Variants in SEMA3E observed in about 807,000 individuals in gnomAD.
The protein encoded by SEMA3E is semaphorin-3E.
SEMA3E carries 49 observed loss-of-function variants against 93.6 expected under a neutral mutation model. The observed-to-expected ratio is 0.52, with a 90% CI of 0.42 to 0.66. SEMA3E has a LOEUF of 0.66. Among genes scored for constraint, SEMA3E ranks in the 30% least tolerant of loss-of-function variants. The probability of loss-of-function intolerance (pLI) is 0.00; values close to 1 mark genes in which losing one functional copy is unlikely to be tolerated. For synonymous variants in SEMA3E, 363 were observed against 330.7 expected, an observed-to-expected ratio of 1.10 and a Z score of -1.06; for missense variants, 906 against 964.8, an observed-to-expected ratio of 0.94 and a Z score of 0.81.
rs1374635857 is a variant in SEMA3E, at chr7:83,392,724, A to G, written c.1501-3T>C. 1 of 1,613,710 alleles carries G rather than the reference A, an allele frequency of 6.2e-7. No individual in the cohort carries two copies. The highest frequency in any genetic ancestry group is 8.5e-7 in the Non-Finnish European group (1 of 1,179,724). On this transcript the variant is annotated splice_polypyrimidine_tract_variant and splice_region_variant and intron_variant, in intron 13 of 16. Transcript: ENST00000643230. ...GCAGATCCAATATACAGCTGTTGCT[A>G]CAGAAATCAGAAAGAGGTCACTAGC...
intron 1 of SEMA3E, among the ~76,000 whole-genome samples, chr7:83,630,796 G>T (rs1490753988): frequency 1.3e-5 from 2 of 152,104 alleles, no homozygotes; most frequent in Non-Finnish European, 2.9e-5. Context: ...ATTTGGTGAA[G>T]TTAATCTTAT....
rs1788044918 is a variant in SEMA3E at position 83,392,824 on chromosome 7, C to A, written c.1501-103G>T. The A allele has an allele frequency of 1.1e-5, 12 of 1,131,674 alleles. No homozygotes were observed. In the South Asian group the frequency reaches 1.4e-4, roughly 13 times the overall value. 70.1% of individuals were successfully genotyped at this position (1,131,674 alleles called of 1,614,324 possible). On this transcript the variant is annotated intron_variant, in intron 13 of 16. Transcript: ENST00000643230. ...ATACACAATCACCTCAGAAAAAATT[C>A]ACTTAAATTTAATTCACTTAAATTA...
chr7:83,464,805 C>T (rs1789715064), intron 4 of SEMA3E, among the ~76,000 whole-genome samples: 1 of 145,262 alleles, frequency 6.9e-6, no homozygotes, highest in Non-Finnish European at 1.5e-5. Context: ...GTTCCCACGC[C>T]GCCCCTAATC....
At chr7:83,401,606 A>T (rs1788235708) in intron 10 of SEMA3E, among the ~76,000 whole-genome samples, 1 of 152,132 alleles carries the variant, frequency 6.6e-6, no homozygotes, top group South Asian at 2.1e-4. Context: ...GAGTGAAATA[A>T]AATATACTTT....
intron 1 of SEMA3E, among the ~76,000 whole-genome samples, chr7:83,497,123 G>T (rs1584289405): frequency 6.6e-6 from 1 of 152,150 alleles, no homozygotes; most frequent in African/African-American, 2.4e-5. Context: ...GATATACTCT[G>T]AGGATTTAGT....
intron 2 of SEMA3E, among the ~76,000 whole-genome samples, chr7:83,476,973 C>T (rs1012495626): frequency 5.3e-5 from 8 of 151,980 alleles, no homozygotes; most frequent in Non-Finnish European, 8.8e-5. Context: ...CATATTTCAA[C>T]GGAGAAAAAT....
chr7:83,511,398 A>G (rs755773518), intron 1 of SEMA3E, among the ~76,000 whole-genome samples: 1 of 151,936 alleles, frequency 6.6e-6, no homozygotes, highest in Non-Finnish European at 1.5e-5. Context: ...AACAGCATTT[A>G]TAGTTGCCCC....
intron 4 of SEMA3E, among the ~76,000 whole-genome samples, chr7:83,436,792 G>A (rs1562782204): frequency 6.6e-6 from 1 of 152,138 alleles, no homozygotes. Context: ...ATTGGAAGAA[G>A]CCAATATGGT....
At chr7:83,639,838 C>T (rs1172260985) in intron 1 of SEMA3E, among the ~76,000 whole-genome samples, 1 of 151,634 alleles carries the variant, frequency 6.6e-6, no homozygotes, top group Admixed American at 6.6e-5. Context: ...ATACTATCTC[C>T]TAATACAAGT....
chr7:83,632,905 A>C (rs986706484), intron 1 of SEMA3E, among the ~76,000 whole-genome samples: 1 of 152,184 alleles, frequency 6.6e-6, no homozygotes, highest in African/African-American at 2.4e-5. Flanking sequence ...AATGATAAAC[A>C]TGTGACCACC....
chr7:83,407,082 G>A lies in SEMA3E; in HGVS notation c.813+15C>T. 1.9e-6 allele frequency: 3 copies of A among 1,613,110 alleles called. No homozygotes were observed. Among genetic ancestry groups the A allele is most frequent in the Non-Finnish European group, 2.5e-6 (3 of 1,179,654 alleles). ...ATTGTGAGATAAGCAAGCATAATGA[G>A]AGAGAAAGCCTCACCACACAGAGTC... On this transcript the variant is annotated intron_variant, in intron 7 of 16. Coordinates refer to ENST00000643230, the MANE Select transcript of SEMA3E (RefSeq NM_012431.3).
chr7:83,635,904 T>C (rs1793873953), intron 1 of SEMA3E, among the ~76,000 whole-genome samples: 1 of 152,026 alleles, frequency 6.6e-6, no homozygotes, highest in African/African-American at 2.4e-5. Flanking sequence ...AATCTTGCTT[T>C]GGTCAATTGG....
rs770694937 is a variant in SEMA3E at position 83,384,793 on chromosome 7, C to T, written c.1875+501G>A. 3.9e-5 allele frequency among the ~76,000 whole-genome samples: 6 copies of T among 152,076 alleles called. No homozygotes were observed. In the South Asian group the frequency reaches 1.2e-3, roughly 32 times the overall value. On this transcript the variant is annotated intron_variant, in intron 16 of 16. Coordinates refer to ENST00000643230, the MANE Select transcript of SEMA3E (RefSeq NM_012431.3). ...CCTTTGTTCCCAGCGGTCAAGAACC[C>T]TTGTGTCAATGTCTCATATATAATT...
intron 1 of SEMA3E, among the ~76,000 whole-genome samples, chr7:83,512,020 G>C (rs1019123940): frequency 1.3e-5 from 2 of 152,094 alleles, no homozygotes; most frequent in Non-Finnish European, 2.9e-5. Flanking sequence ...TTCGGTACAA[G>C]AGATTAAAAG....
intron 1 of SEMA3E, among the ~76,000 whole-genome samples, chr7:83,593,308 G>C (rs879597348): frequency 0.23 from 31,037 of 133,852 alleles, 3,868 homozygotes; most frequent in East Asian, 0.38. Context: ...GTGTGTGTGT[G>C]TGTGTGTGTG....
intron 1 of SEMA3E, among the ~76,000 whole-genome samples, chr7:83,576,340 TA>T (rs1792401880): frequency 8.5e-5 from 13 of 152,138 alleles, no homozygotes; most frequent in African/African-American, 3.1e-4. Context: ...GAGTAACTCA[TA>T]TGCTAGTTAC....
At chr7:83,458,379 A>G (rs953175782) in intron 4 of SEMA3E, among the ~76,000 whole-genome samples, 5 of 152,096 alleles carry the variant, frequency 3.3e-5, no homozygotes, top group African/African-American at 1.2e-4. Flanking sequence ...TCTAGAAGGC[A>G]CTGGAGATCA....
At chr7:83,597,125 C>G (rs1792891993) in intron 1 of SEMA3E, among the ~76,000 whole-genome samples, 1 of 152,116 alleles carries the variant, frequency 6.6e-6, no homozygotes, top group Non-Finnish European at 1.5e-5. Flanking sequence ...TTATGGATAT[C>G]ACCCACATAT....
At chr7:83,616,366 G>A (rs1387311325) in intron 1 of SEMA3E, among the ~76,000 whole-genome samples, 3 of 152,054 alleles carry the variant, frequency 2.0e-5, no homozygotes, top group Admixed American at 2.0e-4. Context: ...GTGTGTTATA[G>A]ACCAAACAGA....
Sources: allele counts gnomAD v4.1 joint callset (sites outside exome capture counted in the v4.1 genomes callset), GRCh38; gene constraint gnomAD v4.1.1; transcripts MANE v1.5; gene names NCBI Gene and HGNC (gene_info 2026-07-23, HGNC 2026-07-21).